Variants in DNAJC10 observed in about 807,000 individuals in gnomAD.
DNAJC10 encodes the protein DnaJ heat shock protein family (Hsp40) member C10, also known as endoplasmic reticulum disulfide reductase DNAJC10.
DNAJC10 carries 101 observed loss-of-function variants against 115.0 expected under a neutral mutation model. That is an observed-to-expected ratio of 0.88 (90% confidence interval 0.75 to 1.04). The LOEUF (loss-of-function observed/expected upper bound fraction) is 1.04, where lower values mean the gene tolerates loss of function less well. DNAJC10 is among the 50% of genes least tolerant of loss of function. DNAJC10 has a pLI of 0.00. For missense variants in DNAJC10, 981 were observed against 928.8 expected (o/e 1.06, Z -0.73); for synonymous variants, 307 against 301.5 (o/e 1.02, Z -0.19).
chr2:182,716,885 C>G (rs1480683849), intron 1 of DNAJC10, 131 bp from the exon 2 acceptor site: 3 of 152,260 alleles, frequency 2.0e-5, no homozygotes, highest in South Asian at 2.1e-4. Flanking sequence ...GCCACACCCA[C>G]GCTGAGAACA....
chr2:182,759,372 T>A (rs1574949171), intron 21 of DNAJC10, 65 bp downstream of exon 21: 2 of 1,466,270 alleles, frequency 1.4e-6, no homozygotes, highest in East Asian at 4.7e-5. Context: ...GATAAAACAT[T>A]GTAAGTATGT....
chr2:182,747,506 G>A (rs1434028207), intron 14 of DNAJC10, among the ~76,000 whole-genome samples: 2 of 149,914 alleles, frequency 1.3e-5, no homozygotes, highest in Non-Finnish European at 3.0e-5. Flanking sequence ...GTGAATGGGA[G>A]TTCACTCATG....
intron 22 of DNAJC10, among the ~76,000 whole-genome samples, chr2:182,767,303 G>A (rs1160931219): frequency 1.3e-5 from 2 of 152,152 alleles, no homozygotes; most frequent in African/African-American, 4.8e-5. Context: ...CTAAATCTAA[G>A]GTTCCGTGAT....
intron 8 of DNAJC10, among the ~76,000 whole-genome samples, chr2:182,730,217 G>A (rs1481775886): frequency 1.3e-5 from 2 of 152,116 alleles, no homozygotes; most frequent in Non-Finnish European, 2.9e-5. Flanking sequence ...AAAATGTTTT[G>A]TAATACAAGT....
chr2:182,731,504 A>T (rs1305432074), intron 9 of DNAJC10, among the ~76,000 whole-genome samples: 1 of 152,120 alleles, frequency 6.6e-6, no homozygotes, highest in East Asian at 1.9e-4. Context: ...ACATACATAG[A>T]TTTGCCTCAT....
chr2:182,723,628 C>G (rs763268394), intron 5 of DNAJC10, among the ~76,000 whole-genome samples: 2 of 152,148 alleles, frequency 1.3e-5, no homozygotes, highest in African/African-American at 4.8e-5. Context: ...TGTCTCTCAT[C>G]TCCTAATATA....
rs1351172095 is a variant in DNAJC10 at position 182,739,491 on chromosome 2, AC to A, written c.988-807del. On this transcript the variant is annotated intron_variant, in intron 11 of 23. Transcript: ENST00000264065. ...ACATATATTAAACTCTGTTTTGTCAACTTTCATATACATTTTCTTGATGTAA... is the reference window on the plus strand; with the variant it reads ...ACATATATTAAACTCTGTTTTGTCAATTTCATATACATTTTCTTGATGTAA... 98 of 1,168,170 alleles carry A rather than the reference AC, an allele frequency of 8.4e-5. 1 individual carries two copies. In the South Asian group the frequency reaches 1.5e-3, roughly 18 times the overall value. 72.4% of individuals were successfully genotyped at this position (1,168,170 alleles called of 1,614,324 possible). A position where few individuals can be genotyped will look rare whatever the true frequency, so the allele number is the denominator to read the frequency against.
chr2:182,722,771 C>G (rs1320396671), intron 5 of DNAJC10, among the ~76,000 whole-genome samples: 2 of 152,012 alleles, frequency 1.3e-5, no homozygotes. Flanking sequence ...GGAAAACCCT[C>G]TCTACTAAAA....
In DNAJC10 at chr2:182,779,391, T is replaced by C. The variant is rs1458674251; in HGVS notation, c.*2259T>C. On this transcript the variant is annotated 3_prime_UTR_variant, in exon 24 of 24. Transcript: ENST00000264065. ...TGACCCTCTAACATGGTATCAATTC[T>C]AGCTGACCAAAGCACATTCTATCAG... is the stretch of plus-strand genomic sequence containing the variant. The C allele has an allele frequency of 2.0e-5, 3 of 152,192 alleles. No homozygotes were observed. The highest frequency in any genetic ancestry group is 7.2e-5 in the African/African-American group (3 of 41,442). The allele number at this position is 152,192 out of a possible 1,614,324, so 9.4% of individuals were successfully genotyped here. A position where few individuals can be genotyped will look rare whatever the true frequency, so the allele number is the denominator to read the frequency against.
At chr2:182,726,450 G>A (rs1260128348) in intron 5 of DNAJC10, among the ~76,000 whole-genome samples, 1 of 152,082 alleles carries the variant, frequency 6.6e-6, no homozygotes. Flanking sequence ...ACATAAACTT[G>A]GTTGATAAAA....
Position 182,784,898 on chromosome 2 carries a change from G to C in DNAJC10, c.*7766G>C, listed in dbSNP as rs1196652840. The C allele has an allele frequency of 6.6e-6, 1 of 152,158 alleles. No individual in the cohort carries two copies. Among genetic ancestry groups the C allele is most frequent in the East Asian group, 1.9e-4 (1 of 5,190 alleles). 9.4% of individuals were successfully genotyped at this position (152,158 alleles called of 1,614,324 possible). ...ACATCAGGTACCAGTAGATGGCAGTGAAAAATAAGCAGACACATTTTTCTG... is the reference window on the plus strand; with the variant it reads ...ACATCAGGTACCAGTAGATGGCAGTCAAAAATAAGCAGACACATTTTTCTG... On this transcript the variant is annotated 3_prime_UTR_variant, in exon 24 of 24. Coordinates refer to ENST00000264065, the MANE Select transcript of DNAJC10 (RefSeq NM_018981.4).
chr2:182,777,847 C>T lies in DNAJC10; in HGVS notation c.*715C>T, dbSNP rs114629112. ...GAAACAGTGCAGCAGTATATGTGCACACAGTAAGTACACAAATTTGAGCAA... is the reference window on the plus strand; with the variant it reads ...GAAACAGTGCAGCAGTATATGTGCATACAGTAAGTACACAAATTTGAGCAA... On this transcript the variant is annotated 3_prime_UTR_variant, in exon 24 of 24. Coordinates refer to ENST00000264065, the MANE Select transcript of DNAJC10 (RefSeq NM_018981.4). 3.7e-3 allele frequency: 565 copies of T among 152,172 alleles called. 6 individuals are homozygous for T. The highest frequency in any genetic ancestry group is 0.013 in the African/African-American group (553 of 41,516). 9.4% of individuals were successfully genotyped at this position (152,172 alleles called of 1,614,324 possible).
rs947065730 is a variant in DNAJC10 at position 182,788,304 on chromosome 2, G to A, written c.*11172G>A. The A allele has an allele frequency of 5.8e-6, 1 of 172,112 alleles. No homozygotes were observed. The highest frequency in any genetic ancestry group is 1.2e-5 in the Non-Finnish European group (1 of 81,456). 10.7% of individuals were successfully genotyped at this position (172,112 alleles called of 1,614,324 possible). On this transcript the variant is annotated 3_prime_UTR_variant, in exon 24 of 24. Coordinates refer to ENST00000264065, the MANE Select transcript of DNAJC10 (RefSeq NM_018981.4). ...CTCTACAAAGCTGTCGGGGCCAGGC[G>A]AATAAAGGATGTCCCATGTCTTATC...
intron 14 of DNAJC10, among the ~76,000 whole-genome samples, 173 bp downstream of exon 14, chr2:182,743,885 C>A (rs989485532): frequency 6.6e-6 from 1 of 151,972 alleles, no homozygotes; most frequent in East Asian, 1.9e-4. Flanking sequence ...TTCTCTTTAC[C>A]CTTCTTTTTA....
At chr2:182,773,645 C>T (rs1208158209) in intron 22 of DNAJC10, among the ~76,000 whole-genome samples, 2 of 152,204 alleles carry the variant, frequency 1.3e-5, no homozygotes, top group South Asian at 4.1e-4. Flanking sequence ...GTGCATGTGT[C>T]ACCAAGTTCT....
At chr2:182,742,769 C>G (rs915596495) in intron 13 of DNAJC10, among the ~76,000 whole-genome samples, 2 of 151,794 alleles carry the variant, frequency 1.3e-5, no homozygotes, top group African/African-American at 4.8e-5. Flanking sequence ...TAATTGTTCT[C>G]TAGTTAATTT....
At chr2:182,766,998 C>T (rs968643047) in intron 22 of DNAJC10, among the ~76,000 whole-genome samples, 3 of 152,044 alleles carry the variant, frequency 2.0e-5, no homozygotes, top group Non-Finnish European at 4.4e-5. Context: ...CTCCTTATGC[C>T]CTACAGAAGG....
chr2:182,744,420 A>T (rs1050051679), intron 14 of DNAJC10, among the ~76,000 whole-genome samples: 5 of 152,350 alleles, frequency 3.3e-5, no homozygotes, highest in African/African-American at 1.2e-4. Context: ...AGGGAGATCC[A>T]TAAGAAAACA....
chr2:182,751,569 T>C, intron 14 of DNAJC10, 89 bp from the exon 15 acceptor site: 1 of 1,393,644 alleles, frequency 7.2e-7, no homozygotes, highest in Non-Finnish European at 9.9e-7. Flanking sequence ...TTTATCTTCT[T>C]TAGTATTCTG....
Sources: gnomAD v4.1 joint callset for allele counts (sites outside exome capture counted in the v4.1 genomes callset) on GRCh38, gnomAD v4.1.1 for gene constraint, MANE v1.5 for transcripts, NCBI Gene and HGNC (gene_info 2026-07-23, HGNC 2026-07-21) for gene names.